The following TMEM106B variants were observed in gnomAD, a reference collection of about 807,000 sequenced individuals.
The protein encoded by TMEM106B is transmembrane protein 106B.
TMEM106B carries 15 observed loss-of-function variants against 31.1 expected under a neutral mutation model. That is an observed-to-expected ratio of 0.48 (90% CI 0.32 to 0.74). The LOEUF is 0.74. Among genes scored for constraint, TMEM106B ranks in the 30% least tolerant of loss-of-function variants. The pLI, the probability that TMEM106B is intolerant of heterozygous loss-of-function variation, is 0.03. For missense variants in TMEM106B, 283 were observed against 327.3 expected (o/e 0.86, Z 1.04); for synonymous variants, 126 against 112.5 (o/e 1.12, Z -0.76).
chr7:12,217,983 G>A (rs530882955), intron 2 of TMEM106B, among the ~76,000 whole-genome samples: 1 of 152,232 alleles, frequency 6.6e-6, no homozygotes, highest in East Asian at 1.9e-4. Context: ...GGCTCTTAAA[G>A]CTTGAGACTT....
Position 12,237,210 on chromosome 7 carries a change from A to G in TMEM106B, c.*5235A>G, listed in dbSNP as rs1465678233. Reference sequence around the variant, plus strand: ...TACTCTTGTAGTTGTGTATGACGCAATAAAATTTGTAAAAAAATTTCAGCA... The same window carrying G: ...TACTCTTGTAGTTGTGTATGACGCAGTAAAATTTGTAAAAAAATTTCAGCA... On this transcript the variant is annotated 3_prime_UTR_variant, in exon 8 of 8. Transcript: ENST00000396668. 1 of 152,120 alleles carries G rather than the reference A, an allele frequency of 6.6e-6. No individual in the cohort carries two copies. The highest frequency in any genetic ancestry group is 1.5e-5 in the Non-Finnish European group (1 of 68,004). 9.4% of individuals were successfully genotyped at this position (152,120 alleles called of 1,614,324 possible). A position where few individuals can be genotyped will look rare whatever the true frequency, so the allele number is the denominator to read the frequency against.
At chr7:12,227,393 T>C (rs1781921583) in intron 4 of TMEM106B, among the ~76,000 whole-genome samples, 2 of 152,086 alleles carry the variant, frequency 1.3e-5, no homozygotes, top group South Asian at 2.1e-4. Flanking sequence ...TAGGTCGAAC[T>C]ATTACCATAT....
In TMEM106B at chr7:12,230,920, A is replaced by G. The variant is rs190091255; in HGVS notation, c.633-142A>G. On this transcript the variant is annotated intron_variant, in intron 6 of 7. Transcript: ENST00000396668. ...GTAAGAAGTCATGAATATATCAGTC[A>G]TTGTTTGAAGTATAGAAAATTCTCA... 1.4e-3 allele frequency: 720 copies of G among 529,508 alleles called. 2 individuals carry two copies. Among genetic ancestry groups the G allele is most frequent in the Non-Finnish European group, 1.3e-3 (405 of 310,846 alleles). The allele number at this position is 529,508 out of a possible 1,614,324, so 32.8% of individuals were successfully genotyped here. A position where few individuals can be genotyped will look rare whatever the true frequency, so the allele number is the denominator to read the frequency against.
rs1781685779 is a variant in TMEM106B at position 12,216,291 on chromosome 7, G to C, written c.217+1264G>C. ...TTTGGCCGCCTGGATACAGATTATG[G>C]AAAGTAGGAAATCAAGGATGACTCC... On this transcript the variant is annotated intron_variant, in intron 2 of 7. Coordinates refer to ENST00000396668, the MANE Select transcript of TMEM106B (RefSeq NM_001134232.2). 2.0e-5 allele frequency among the ~76,000 whole-genome samples: 3 copies of C among 152,148 alleles called. No individual in the cohort carries two copies. The South Asian group carries it at 6.2e-4, about 32-fold the overall frequency.
rs899009076 is a variant in TMEM106B at position 12,239,489 on chromosome 7, C to T, written c.*7514C>T. On this transcript the variant is annotated 3_prime_UTR_variant, in exon 8 of 8. Coordinates refer to ENST00000396668, the MANE Select transcript of TMEM106B (RefSeq NM_001134232.2). ...CCTTCAAGAACTTTTCCTTTGCCTT[C>T]ACAACTTGTGCAAGAGACCTAGCTT... 6.6e-6 allele frequency: 1 copy of T among 152,162 alleles called. No homozygotes were observed. Among genetic ancestry groups the T allele is most frequent in the African/African-American group, 2.4e-5 (1 of 41,448 alleles). The allele number at this position is 152,162 out of a possible 1,614,324, so 9.4% of individuals were successfully genotyped here.
intron 3 of TMEM106B, among the ~76,000 whole-genome samples, chr7:12,220,702 C>T (rs1781769819): frequency 6.6e-6 from 1 of 152,158 alleles, no homozygotes; most frequent in Non-Finnish European, 1.5e-5. Flanking sequence ...TGCCAAATTA[C>T]ATCTGCATTT....
chr7:12,226,036 A>G (rs1781894489), intron 4 of TMEM106B, among the ~76,000 whole-genome samples: 1 of 151,976 alleles, frequency 6.6e-6, no homozygotes, highest in Admixed American at 6.6e-5. Context: ...CTCCATCTTG[A>G]GTTAATTTTT....
In TMEM106B at chr7:12,242,998, A is replaced by G. The variant is rs1782259598; in HGVS notation, c.*11023A>G. On this transcript the variant is annotated 3_prime_UTR_variant, in exon 8 of 8. Transcript: ENST00000396668. ...TTATTAATTCCTGCAGGACTCAACT[A>G]CTTATCACTCAAACATTTGTTCTTG... is the stretch of plus-strand genomic sequence containing the variant. 6.6e-6 allele frequency: 1 copy of G among 152,106 alleles called. No individual in the cohort carries two copies. The highest frequency in any genetic ancestry group is 2.1e-4 in the South Asian group (1 of 4,830). The allele number at this position is 152,106 out of a possible 1,614,324, so 9.4% of individuals were successfully genotyped here.
rs544034478 is a variant in TMEM106B, at chr7:12,229,933, T to G, written c.582+114T>G. 190 of 1,206,834 alleles carry G rather than the reference T, an allele frequency of 1.6e-4. 1 individual carries two copies. The African/African-American group carries it at 2.5e-3, about 16-fold the overall frequency. The allele number at this position is 1,206,834 out of a possible 1,614,324, so 74.8% of individuals were successfully genotyped here. On this transcript the variant is annotated intron_variant, in intron 5 of 7. Transcript: ENST00000396668. ...CAAAAACTTGATTTAGAAATGTGTC[T>G]CTGCTGGGTACAGTGGCTCATGCCT...
At position 12,238,875 on chromosome 7, in the gene TMEM106B, A is replaced by G. The variant is rs919374970; in HGVS notation, c.*6900A>G. ...TTATTGAACACAGGCAGAGTAGGTAAAAGTTTTAAGGGTCCTAGGATTTTC... is the reference window on the plus strand; with the variant it reads ...TTATTGAACACAGGCAGAGTAGGTAGAAGTTTTAAGGGTCCTAGGATTTTC... On this transcript the variant is annotated 3_prime_UTR_variant, in exon 8 of 8. Coordinates refer to ENST00000396668, the MANE Select transcript of TMEM106B (RefSeq NM_001134232.2). 3 of 152,102 alleles carry G rather than the reference A, an allele frequency of 2.0e-5. No homozygotes were observed. The highest frequency in any genetic ancestry group is 4.4e-5 in the Non-Finnish European group (3 of 68,008). 9.4% of individuals were successfully genotyped at this position (152,102 alleles called of 1,614,324 possible).
chr7:12,215,401 A>AT (rs536072939), intron 2 of TMEM106B, among the ~76,000 whole-genome samples: 11,511 of 135,432 alleles, frequency 0.085, 541 homozygotes, highest in South Asian at 0.17. Context: ...TTGTTGACCT[A>AT]TTTTTTTTTT....
chr7:12,218,574 T>C (rs768373482), intron 3 of TMEM106B, 53 bp downstream of exon 3: 2 of 1,482,288 alleles, frequency 1.3e-6, no homozygotes, highest in South Asian at 1.2e-5. Flanking sequence ...TTGTTTTTTG[T>C]ATTTTTTCAA....
chr7:12,212,967 A>C (rs1781610138), intron 1 of TMEM106B, among the ~76,000 whole-genome samples: 1 of 152,138 alleles, frequency 6.6e-6, no homozygotes, highest in Admixed American at 6.5e-5. Context: ...TTTCAGTTTT[A>C]CTTTTTCACT....
chr7:12,243,008 C>G lies in TMEM106B; in HGVS notation c.*11033C>G, dbSNP rs1782259727. The stretch of plus-strand genomic sequence containing the variant: ...CTGCAGGACTCAACTACTTATCACT[C>G]AAACATTTGTTCTTGAAAAGAACTT... On this transcript the variant is annotated 3_prime_UTR_variant, in exon 8 of 8. Coordinates refer to ENST00000396668, the MANE Select transcript of TMEM106B (RefSeq NM_001134232.2). 1 of 152,086 alleles carries G rather than the reference C, an allele frequency of 6.6e-6. No individual in the cohort carries two copies. Among genetic ancestry groups the G allele is most frequent in the Non-Finnish European group, 1.5e-5 (1 of 67,966 alleles). The allele number at this position is 152,086 out of a possible 1,614,324, so 9.4% of individuals were successfully genotyped here.
At chr7:12,231,338 A>C in intron 7 of TMEM106B, 3 of 438,760 alleles carry the variant, frequency 6.8e-6, no homozygotes, top group East Asian at 8.5e-5. Flanking sequence ...TCTGGATGTC[A>C]CAAGAGTTCA....
chr7:12,224,421 A>T, intron 4 of TMEM106B, 36 bp downstream of exon 4: 1 of 1,555,968 alleles, frequency 6.4e-7, no homozygotes, highest in African/African-American at 1.4e-5. Context: ...GTTTAACTTC[A>T]TTCTTTTATC....
intron 2 of TMEM106B, 98 bp downstream of exon 2, chr7:12,215,125 C>G: frequency 2.1e-6 from 2 of 949,786 alleles, no homozygotes; most frequent in Non-Finnish European, 3.1e-6. Context: ...TTTTAGAGGA[C>G]TCTTAGAATT....
At chr7:12,231,604 T>G (rs935181211) in intron 7 of TMEM106B, 4 of 362,210 alleles carry the variant, frequency 1.1e-5, no homozygotes, top group Non-Finnish European at 2.0e-5. Flanking sequence ...AAGATAATTG[T>G]TTTAAAATAT....
intron 3 of TMEM106B, among the ~76,000 whole-genome samples, chr7:12,222,382 C>T (rs1448161504): frequency 6.6e-6 from 1 of 151,936 alleles, no homozygotes; most frequent in Non-Finnish European, 1.5e-5. Context: ...ATTGTCCCAC[C>T]AGGTTCAGTA....
Sources: allele counts gnomAD v4.1 joint callset (sites outside exome capture counted in the v4.1 genomes callset), GRCh38; gene constraint gnomAD v4.1.1; transcripts MANE v1.5; gene names NCBI Gene and HGNC (gene_info 2026-07-23, HGNC 2026-07-21).